The following VPS45 variants were observed in gnomAD, a reference collection of about 807,000 sequenced individuals.
VPS45 encodes the protein vacuolar protein sorting-associated protein 45.
Under a neutral mutation model 75.9 loss-of-function variants are expected in VPS45, and 35 were observed. The ratio of observed to expected loss-of-function variants is 0.46; its 90% CI spans 0.35 to 0.61. The LOEUF (loss-of-function observed/expected upper bound fraction) is 0.61. Among genes scored for constraint, VPS45 ranks in the 20% least tolerant of loss-of-function variants. VPS45 has a pLI of 0.00. For synonymous variants in VPS45, 220 were observed against 238.2 expected, an observed-to-expected ratio of 0.92 and a Z score of 0.70; for missense variants, 559 against 685.9, an observed-to-expected ratio of 0.81 and a Z score of 2.07.
intron 10 of VPS45, among the ~76,000 whole-genome samples, chr1:150,088,345 CTGATT>C (rs1656126436): frequency 6.6e-6 from 1 of 151,220 alleles, no homozygotes; most frequent in Non-Finnish European, 1.5e-5. Flanking sequence ...CCTTCTGTGT[CTGATT>C]TATTTCACTT....
chr1:150,068,673 A>C lies in VPS45; in HGVS notation c.137A>C (p.Gln46Pro). ...SMVYTQSEIL[Q>P]KEVYLFERID... Reference sequence around the variant, plus strand: ...GTATACACACAATCGGAGATTCTACAGAAGGAAGTGTACCTCTTTGAACGC... The same window carrying C: ...GTATACACACAATCGGAGATTCTACCGAAGGAAGTGTACCTCTTTGAACGC... Residue 46 changes from glutamine to proline, a missense_variant, in exon 2 of 15, where the codon CAG (glutamine) becomes CCG (proline). Gln to Pro is a moderately conservative substitution (Grantham distance 76, BLOSUM62 -1). Transcript: ENST00000644510. 6.2e-7 allele frequency: 1 copy of C among 1,612,432 alleles called. No homozygotes were observed.
chr1:150,109,030 G>A (rs1259423364), intron 13 of VPS45: 1 of 152,012 alleles, frequency 6.6e-6, no homozygotes. Flanking sequence ...GTTTTTTTGG[G>A]GTGTTTTTGT....
chr1:150,068,899 A>AC, intron 2 of VPS45, 135 bp downstream of exon 2: 1 of 953,434 alleles, frequency 1.0e-6, no homozygotes, highest in Non-Finnish European at 1.5e-6. Flanking sequence ...CAGTGTTATA[A>AC]CCTTCATTTT....
intron 7 of VPS45, among the ~76,000 whole-genome samples, chr1:150,078,487 C>T (rs1306009421): frequency 6.6e-6 from 1 of 152,124 alleles, no homozygotes; most frequent in Non-Finnish European, 1.5e-5. Flanking sequence ...TGGCCGGGCA[C>T]GGTCGCTCAC....
intron 14 of VPS45, among the ~76,000 whole-genome samples, chr1:150,142,460 C>T (rs1559951493): frequency 6.6e-6 from 1 of 152,212 alleles, no homozygotes; most frequent in Non-Finnish European, 1.5e-5. Flanking sequence ...ATGAACTTAG[C>T]TTCTACTCCT....
rs1296799045 is a variant in VPS45 at position 150,077,690 on chromosome 1, G to T, written c.598G>T (p.Glu200Ter). ...CVKQVITKEY[E>*]LFEFRRTEVP... ...ACAGCAAGTGATAACTAAAGAATAT[G>T]AACTGTTTGAATTCCGTCGGACAGA... Residue 200 changes from glutamate to a stop codon, truncating the protein, a stop_gained, in exon 7 of 15, where the codon GAA (glutamate) becomes TAA (stop). Coordinates refer to ENST00000644510, the MANE Select transcript of VPS45 (RefSeq NM_007259.5). LOFTEE classifies it high-confidence loss of function. 6.2e-7 allele frequency: 1 copy of T among 1,613,690 alleles called. No homozygotes were observed. Among genetic ancestry groups the T allele is most frequent in the Non-Finnish European group, 8.5e-7 (1 of 1,179,800 alleles).
chr1:150,071,053 A>ATT (rs1451959928), intron 2 of VPS45, among the ~76,000 whole-genome samples: 6 of 152,078 alleles, frequency 3.9e-5, no homozygotes, highest in African/African-American at 1.4e-4. Context: ...TCTAAATTGC[A>ATT]TTTTTAAATC....
intron 14 of VPS45, among the ~76,000 whole-genome samples, chr1:150,139,824 C>G (rs1659291031): frequency 6.6e-6 from 1 of 152,186 alleles, no homozygotes; most frequent in South Asian, 2.1e-4. Flanking sequence ...TTCGGCCTAC[C>G]AGAGTTCTGG....
intron 3 of VPS45, 70 bp downstream of exon 3, chr1:150,072,296 A>G (rs1655119553): frequency 2.9e-6 from 3 of 1,024,352 alleles, no homozygotes; most frequent in East Asian, 5.1e-5. Context: ...TGAGCCCTTC[A>G]TATCATCAAT....
At chr1:150,099,719 G>C (rs1656866702) in intron 13 of VPS45, among the ~76,000 whole-genome samples, 1 of 151,274 alleles carries the variant, frequency 6.6e-6, no homozygotes, top group African/African-American at 2.4e-5. Flanking sequence ...TGTAGTCCCG[G>C]CTACACGGGA....
In VPS45 at chr1:150,097,525, C is replaced by G. The variant is rs192494141; in HGVS notation, c.1493+3877C>G. The stretch of plus-strand genomic sequence containing the variant: ...TTTGAGGTCAGGAGTTTGAGACCAG[C>G]CTGGCCAACATGGTGAAACCCTGTC... On this transcript the variant is annotated intron_variant, in intron 13 of 14. Transcript: ENST00000644510. 4.3e-3 allele frequency among the ~76,000 whole-genome samples: 649 copies of G among 151,726 alleles called. 4 individuals are homozygous for G. The highest frequency in any genetic ancestry group is 0.015 in the African/African-American group (613 of 41,454).
chr1:150,127,450 G>T (rs1226674649), intron 14 of VPS45, among the ~76,000 whole-genome samples: 1 of 151,932 alleles, frequency 6.6e-6, no homozygotes, highest in East Asian at 1.9e-4. Flanking sequence ...AGTAGCTTGT[G>T]CTAACTTTTT....
intron 2 of VPS45, among the ~76,000 whole-genome samples, chr1:150,069,135 T>TATAA (rs1553796465): frequency 1.3e-5 from 2 of 152,336 alleles, no homozygotes; most frequent in African/African-American, 4.8e-5. Flanking sequence ...TTTATTCACA[T>TATAA]TTATGCTCAG....
At chr1:150,133,369 G>T (rs1335425823) in intron 14 of VPS45, among the ~76,000 whole-genome samples, 1 of 152,052 alleles carries the variant, frequency 6.6e-6, no homozygotes, top group Non-Finnish European at 1.5e-5. Flanking sequence ...GGCCAACATG[G>T]TGAAACCCCA....
At chr1:150,128,302 T>TAAAAAAA (rs56026495) in intron 14 of VPS45, among the ~76,000 whole-genome samples, 31,290 of 144,600 alleles carry the variant, frequency 0.22, 4,694 homozygotes, top group African/African-American at 0.43. Context: ...ACCCTTGTCT[T>TAAAAAAA]AAAAAAAAAA....
chr1:150,109,958 C>G (rs112622052), intron 13 of VPS45: 3 of 151,852 alleles, frequency 2.0e-5, no homozygotes, highest in African/African-American at 7.3e-5. Context: ...GTGTCCCATT[C>G]TTTTTTTTAT....
At chr1:150,135,729 C>A (rs1659043439) in intron 14 of VPS45, among the ~76,000 whole-genome samples, 1 of 151,982 alleles carries the variant, frequency 6.6e-6, no homozygotes, top group Admixed American at 6.5e-5. Flanking sequence ...GCAACCTCCG[C>A]CTCCTAGGTT....
chr1:150,067,892 C>G lies in VPS45; in HGVS notation c.35C>G (p.Ser12Cys). Residue 12 changes from serine to cysteine, a missense_variant, in exon 1 of 15, where the codon TCC becomes TGC. Physicochemically the swap from Ser to Cys is moderately radical, Grantham distance 112. Coordinates refer to ENST00000644510, the MANE Select transcript of VPS45 (RefSeq NM_007259.5). ...NVVFAVKQYI[S>C]KMIEDSGPGM... ...GTTTTTGCTGTGAAGCAGTACATTT[C>G]CAAAATGATAGAGGACAGCGGGCCT... is the stretch of plus-strand genomic sequence containing the variant. The G allele has an allele frequency of 6.2e-7, 1 of 1,614,186 alleles. No individual in the cohort carries two copies.
At position 150,110,646 on chromosome 1, in the gene VPS45, T is replaced by G. The variant is rs1003447515; in HGVS notation, c.1625+19T>G. On this transcript the variant is annotated intron_variant, in intron 14 of 14. Transcript: ENST00000644510. ...CGAAAAGGTAAAAGAGAACATTCAT[T>G]CTACAACTGTGTCCTCTTTCCCAGA... The G allele has an allele frequency of 1.3e-6, 2 of 1,575,304 alleles. No homozygotes were observed. Among genetic ancestry groups the G allele is most frequent in the African/African-American group, 2.7e-5 (2 of 74,128 alleles).
Sources: gnomAD v4.1 joint callset for allele counts (sites outside exome capture counted in the v4.1 genomes callset) on GRCh38, gnomAD v4.1.1 for gene constraint, MANE v1.5 for transcripts, NCBI Gene and HGNC (gene_info 2026-07-23, HGNC 2026-07-21) for gene names.